Variants in PINK1 observed in about 807,000 individuals in gnomAD.
The protein encoded by PINK1 is PTEN induced kinase 1, also known as serine/threonine-protein kinase PINK1, mitochondrial.
In PINK1, 58 loss-of-function variants were observed where a neutral mutation model predicts 56.0. The observed-to-expected ratio is 1.04, with a 90% CI of 0.84 to 1.29. The LOEUF (loss-of-function observed/expected upper bound fraction) is 1.29, where lower values mean the gene tolerates loss of function less well. PINK1 is among the 50% of genes most tolerant of loss of function. The probability of loss-of-function intolerance (pLI) is 0.00; values close to 1 mark genes in which losing one functional copy is unlikely to be tolerated. For missense variants in PINK1, 745 were observed against 777.9 expected (o/e 0.96, Z 0.50); for synonymous variants, 354 against 339.3 (o/e 1.04, Z -0.48).
Position 20,650,544 on chromosome 1 carries a change from A to T in PINK1, c.1599A>T (p.Gln533His). 1 of 1,614,216 alleles carries T rather than the reference A, an allele frequency of 6.2e-7. No individual in the cohort carries two copies. The highest frequency in any genetic ancestry group is 8.5e-7 in the Non-Finnish European group (1 of 1,180,028). ...KLDKMVGWLL[Q>H]QSAATLLANR... ...ACAAGATGGTTGGCTGGCTCCTCCA[A>T]CAATCGGCCGCCACTTTGTTGGCCA... is the stretch of plus-strand genomic sequence containing the variant. The change falls in exon 8 of 8, where the codon CAA (glutamine) becomes CAT (histidine). Residue 533 changes from glutamine to histidine, a missense_variant. Gln to His is a conservative substitution (Grantham distance 24). Coordinates refer to ENST00000321556, the MANE Select transcript of PINK1 (RefSeq NM_032409.3).
chr1:20,648,365 C>T (rs2053214205), intron 5 of PINK1, 140 bp from the exon 6 acceptor site: 4 of 1,265,748 alleles, frequency 3.2e-6, no homozygotes, highest in Admixed American at 2.0e-5. Flanking sequence ...AGCTCTCAGG[C>T]CTTGCTGACC....
At chr1:20,637,387 C>T (rs2053067218) in intron 1 of PINK1, among the ~76,000 whole-genome samples, 1 of 152,204 alleles carries the variant, frequency 6.6e-6, no homozygotes, top group Non-Finnish European at 1.5e-5. Context: ...TCCCTCTGCT[C>T]TGGGGATGCG....
chr1:20,650,300 GGCATC>G (rs2053249845), intron 7 of PINK1, 129 bp from the exon 8 acceptor site: 15 of 1,194,966 alleles, frequency 1.3e-5, no homozygotes, highest in Non-Finnish European at 1.7e-5. Flanking sequence ...CTGAGTGAAG[GGCATC>G]AGTAGGAGAT....
In PINK1 at chr1:20,639,949, A is replaced by G; in HGVS notation, c.733A>G (p.Ser245Gly). ...AATGAGCCAGGAGCTGGTCCCAGCG[A>G]GCCGAGTGGCCTTGGCTGGGGAGTA... ...NTMSQELVPA[S>G]RVALAGEYGA... Residue 245 changes from serine (S) to glycine (G), a missense_variant, in exon 3 of 8, where the codon AGC (serine) becomes GGC (glycine). Coordinates refer to ENST00000321556, the MANE Select transcript of PINK1 (RefSeq NM_032409.3). The G allele has an allele frequency of 6.2e-7, 1 of 1,613,014 alleles. No individual in the cohort carries two copies.
At chr1:20,634,071 G>A in intron 1 of PINK1, 136 bp downstream of exon 1, 1 of 1,052,128 alleles carries the variant, frequency 9.5e-7, no homozygotes, top group Non-Finnish European at 1.4e-6. Context: ...GGTCCTTAAA[G>A]CTCATCTATT....
intron 4 of PINK1, among the ~76,000 whole-genome samples, chr1:20,645,246 T>C (rs1374523743): frequency 1.3e-5 from 2 of 152,166 alleles, no homozygotes; most frequent in Non-Finnish European, 2.9e-5. Context: ...CCCAGCACTT[T>C]GGAAGGCGGA....
intron 7 of PINK1, 109 bp from the exon 8 acceptor site, chr1:20,650,325 G>A: frequency 7.0e-7 from 1 of 1,423,630 alleles, no homozygotes; most frequent in Non-Finnish European, 9.7e-7. Context: ...TAGGGTAGAG[G>A]AAGAATTGGG....
chr1:20,639,766 T>A (rs1430821824), intron 2 of PINK1, 126 bp from the exon 3 acceptor site: 1 of 810,738 alleles, frequency 1.2e-6, no homozygotes, highest in Admixed American at 2.0e-5. Context: ...ACAGGTCATC[T>A]TATCTCGAAG....
At position 20,633,707 on chromosome 1, in the gene PINK1, C is replaced by A. The variant is rs979028448; in HGVS notation, c.159C>A (p.Gly53=). 13 of 1,517,686 alleles carry A rather than the reference C, an allele frequency of 8.6e-6. No individual in the cohort carries two copies. In the African/African-American group the frequency reaches 1.8e-4, roughly 21 times the overall value. 94.0% of individuals were successfully genotyped at this position (1,517,686 alleles called of 1,614,324 possible). A position where few individuals can be genotyped will look rare whatever the true frequency, so the allele number is the denominator to read the frequency against. The part of the protein sequence containing the change: ...GERPGWAAGP[G]AEPRRVGLGL... ...GTCCAGGCTGGGCCGCAGGACCGGGCGCGGAGCCTCGCAGGGTCGGGCTCG... is the reference window on the plus strand; with the variant it reads ...GTCCAGGCTGGGCCGCAGGACCGGGAGCGGAGCCTCGCAGGGTCGGGCTCG... Residue 53 remains glycine (G), a synonymous_variant, in exon 1 of 8, where the codon GGC becomes GGA. Coordinates refer to ENST00000321556, the MANE Select transcript of PINK1 (RefSeq NM_032409.3).
intron 1 of PINK1, 44 bp downstream of exon 1, chr1:20,633,979 G>A (rs1471935959): frequency 1.3e-6 from 2 of 1,551,806 alleles, no homozygotes; most frequent in South Asian, 1.2e-5. Context: ...ACGGAGCTAA[G>A]CGCGGGGGCG....
chr1:20,645,033 AAAT>A (rs2053160900), intron 4 of PINK1, among the ~76,000 whole-genome samples: 1 of 152,156 alleles, frequency 6.6e-6, no homozygotes, highest in Admixed American at 6.5e-5. Flanking sequence ...TATTTTAAGG[AAAT>A]AATTATCTGC....
At chr1:20,646,330 A>G (rs1182942288) in intron 5 of PINK1, among the ~76,000 whole-genome samples, 1 of 152,096 alleles carries the variant, frequency 6.6e-6, no homozygotes, top group African/African-American at 2.4e-5. Context: ...GTAAAAGAGA[A>G]GTAGACTTTA....
At chr1:20,650,218 A>T in intron 7 of PINK1, 1 of 637,216 alleles carries the variant, frequency 1.6e-6, no homozygotes. Flanking sequence ...TCAACAATGC[A>T]TGCTGCCCCA....
At chr1:20,638,247 G>T in intron 2 of PINK1, 118 bp downstream of exon 2, 3 of 1,246,318 alleles carry the variant, frequency 2.4e-6, no homozygotes, top group Non-Finnish European at 3.3e-6. Context: ...CACAGGAAAG[G>T]TGCCTGTATA....
chr1:20,638,461 T>C, intron 2 of PINK1: 1 of 325,504 alleles, frequency 3.1e-6, no homozygotes, highest in South Asian at 2.9e-5. Context: ...TGAAACCCCA[T>C]CTCTATGAAA....
intron 6 of PINK1, 22 bp from the exon 7 acceptor site, chr1:20,648,973 C>T (rs748372790): frequency 1.2e-6 from 2 of 1,608,814 alleles, no homozygotes; most frequent in South Asian, 2.2e-5. Context: ...AGCGTGATGT[C>T]TCACCCACTG....
chr1:20,638,155 A>T, intron 2 of PINK1, 26 bp downstream of exon 2: 1 of 1,603,546 alleles, frequency 6.2e-7, no homozygotes, highest in South Asian at 1.1e-5. Flanking sequence ...TTCATCTTTA[A>T]AGGAGATGTT....
intron 3 of PINK1, among the ~76,000 whole-genome samples, chr1:20,642,053 CAG>C (rs1557562936): frequency 6.6e-6 from 1 of 152,192 alleles, no homozygotes; most frequent in Non-Finnish European, 1.5e-5. Flanking sequence ...TTGCATAGAA[CAG>C]GGGCCACTCA....
At chr1:20,645,509 T>C (rs1459926150) in intron 4 of PINK1, 51 bp from the exon 5 acceptor site, 27 of 1,523,812 alleles carry the variant, frequency 1.8e-5, no homozygotes, top group Non-Finnish European at 2.0e-5. Context: ...AAAAAACGTA[T>C]TGGGAGTCGT....
Sources: gnomAD v4.1 joint callset for allele counts (sites outside exome capture counted in the v4.1 genomes callset) on GRCh38, gnomAD v4.1.1 for gene constraint, MANE v1.5 for transcripts, NCBI Gene and HGNC (gene_info 2026-07-23, HGNC 2026-07-21) for gene names.